Variants in AKAP13 observed in about 807,000 individuals in gnomAD.
The protein encoded by AKAP13 is A-kinase anchor protein 13.
Under a neutral mutation model 264.5 loss-of-function variants are expected in AKAP13, and 80 were observed. That is an observed-to-expected ratio of 0.30 (90% CI 0.25 to 0.36). The LOEUF (loss-of-function observed/expected upper bound fraction) is 0.36, where lower values mean the gene tolerates loss of function less well. Among genes scored for constraint, AKAP13 ranks in the 10% least tolerant of loss-of-function variants. The probability of loss-of-function intolerance (pLI) is 1.00; values close to 1 mark genes in which losing one functional copy is unlikely to be tolerated. For missense variants in AKAP13, 3,712 were observed against 3,435.2 expected (o/e 1.08, Z -2.01); for synonymous variants, 1,380 against 1,250.2 (o/e 1.10, Z -2.19).
chr15:85,448,677 G>C (rs2073981166), intron 1 of AKAP13, among the ~76,000 whole-genome samples: 1 of 152,076 alleles, frequency 6.6e-6, no homozygotes, highest in African/African-American at 2.4e-5. Context: ...GATGGTCGTA[G>C]ATGTGTGACC....
intron 9 of AKAP13, among the ~76,000 whole-genome samples, chr15:85,644,693 C>CA (rs1161365911): frequency 0.028 from 2,937 of 103,818 alleles, 75 homozygotes; most frequent in African/African-American, 0.079. Flanking sequence ...ACTAAAAATA[C>CA]AAAAAAAAAA....
At chr15:85,428,764 A>G (rs1360647801) in intron 1 of AKAP13, among the ~76,000 whole-genome samples, 3 of 152,250 alleles carry the variant, frequency 2.0e-5, no homozygotes, top group Admixed American at 6.5e-5. Context: ...GGTTGTCTAC[A>G]GGAAAAACAA....
At chr15:85,721,280 G>A (rs56241813) in intron 23 of AKAP13, among the ~76,000 whole-genome samples, 10,499 of 152,234 alleles carry the variant, frequency 0.069, 394 homozygotes, top group African/African-American at 0.11. Flanking sequence ...CCGTCCCTCT[G>A]TCTCAGCTCC....
chr15:85,538,915 C>G (rs1301018396), intron 4 of AKAP13, among the ~76,000 whole-genome samples: 1 of 151,212 alleles, frequency 6.6e-6, no homozygotes, highest in Non-Finnish European at 1.5e-5. Flanking sequence ...ACTGCAAGCT[C>G]TGCCTCCCAG....
chr15:85,443,681 G>A (rs946909832), intron 1 of AKAP13, among the ~76,000 whole-genome samples: 5 of 151,846 alleles, frequency 3.3e-5, no homozygotes, highest in Non-Finnish European at 5.9e-5. Flanking sequence ...TATGCGGTTC[G>A]TGGTTGACTG....
rs16977810 is a variant in AKAP13, at chr15:85,395,420, C to G, written c.-12+14622C>G. 2.8e-4 allele frequency among the ~76,000 whole-genome samples: 43 copies of G among 152,000 alleles called. No individual in the cohort carries two copies. The East Asian group carries it at 8.3e-3, about 29-fold the overall frequency. On this transcript the variant is annotated intron_variant, in intron 1 of 36. Transcript: ENST00000394518. Reference sequence around the variant, plus strand: ...AACCTCTTTGTAACATGAAATACACCCAGGTTTAAACTTATCTTTCTGTTC... The same window carrying G: ...AACCTCTTTGTAACATGAAATACACGCAGGTTTAAACTTATCTTTCTGTTC...
intron 8 of AKAP13, among the ~76,000 whole-genome samples, chr15:85,601,893 CA>C (rs974099312): frequency 4.0e-5 from 6 of 151,536 alleles, no homozygotes; most frequent in Admixed American, 2.6e-4. Flanking sequence ...ATTTTTTCTA[CA>C]AAAAATTACT....
intron 11 of AKAP13, among the ~76,000 whole-genome samples, chr15:85,656,451 CT>C (rs950140070): frequency 3.3e-5 from 5 of 149,450 alleles, no homozygotes; most frequent in Admixed American, 6.7e-5. Flanking sequence ...AATTTGACTT[CT>C]TTTTTTTTTC....
intron 11 of AKAP13, among the ~76,000 whole-genome samples, chr15:85,657,340 A>T (rs2151524207): frequency 6.6e-6 from 1 of 152,308 alleles, no homozygotes; most frequent in African/African-American, 2.4e-5. Context: ...AGATAGGTAA[A>T]CAAGACAAAG....
intron 1 of AKAP13, among the ~76,000 whole-genome samples, chr15:85,483,611 C>T (rs1398955148): frequency 3.9e-5 from 5 of 128,408 alleles, no homozygotes; most frequent in Non-Finnish European, 4.7e-5. Context: ...CCGGCCTGGG[C>T]GACAGAGCGA....
At chr15:85,454,431 G>A (rs953042358) in intron 1 of AKAP13, among the ~76,000 whole-genome samples, 5 of 152,202 alleles carry the variant, frequency 3.3e-5, no homozygotes, top group East Asian at 3.9e-4. Flanking sequence ...GGAACCCCTG[G>A]CTCCGTGTTG....
chr15:85,590,101 C>G (rs922955497), intron 8 of AKAP13, among the ~76,000 whole-genome samples: 2 of 152,074 alleles, frequency 1.3e-5, no homozygotes, highest in African/African-American at 4.8e-5. Context: ...TGCCACATAC[C>G]CCGTCTATGT....
At chr15:85,666,888 G>C (rs1011298126) in intron 13 of AKAP13, among the ~76,000 whole-genome samples, 1 of 152,168 alleles carries the variant, frequency 6.6e-6, no homozygotes, top group African/African-American at 2.4e-5. Context: ...ATCCCTTGGG[G>C]AGCTTTTGAG....
chr15:85,735,184 A>T (rs2088351095), intron 31 of AKAP13, 34 bp downstream of exon 31: 1 of 1,601,696 alleles, frequency 6.2e-7, no homozygotes, highest in East Asian at 2.2e-5. Context: ...TTTTATAGGC[A>T]ATCCTTGACT....
chr15:85,437,152 C>T (rs2073349957), intron 1 of AKAP13, among the ~76,000 whole-genome samples: 1 of 147,410 alleles, frequency 6.8e-6, no homozygotes, highest in African/African-American at 2.5e-5. Context: ...CCACCGATCC[C>T]ACAGAAATAC....
At position 85,727,571 on chromosome 15, in the gene AKAP13, C is replaced by G. The variant is rs1432298561; in HGVS notation, c.7087+108C>G. On this transcript the variant is annotated intron_variant, in intron 29 of 36. Coordinates refer to ENST00000394518, the MANE Select transcript of AKAP13 (RefSeq NM_007200.5). This position sits in a 1 kb window ranked among gnomAD's most constrained non-coding sequence, Gnocchi z 5.3. ...GTTTGCCCTCAGTTCTAAAGCTGCC[C>G]CAGCAGGCACTTGAAAGCAGCAAAA... is the stretch of plus-strand genomic sequence containing the variant. 8.2e-7 allele frequency: 1 copy of G among 1,215,528 alleles called. No individual in the cohort carries two copies. The highest frequency in any genetic ancestry group is 2.5e-5 in the East Asian group (1 of 39,852). 75.3% of individuals were successfully genotyped at this position (1,215,528 alleles called of 1,614,324 possible).
intron 8 of AKAP13, among the ~76,000 whole-genome samples, chr15:85,638,896 A>C (rs1440339920): frequency 1.3e-5 from 2 of 152,050 alleles, no homozygotes; most frequent in Non-Finnish European, 2.9e-5. Context: ...AGCTGGGATT[A>C]CAGGCGTGCA....
Position 85,746,708 on chromosome 15 carries a change from C to T in AKAP13, c.*2031C>T, listed in dbSNP as rs966093048. On this transcript the variant is annotated 3_prime_UTR_variant, in exon 37 of 37. Transcript: ENST00000394518. Reference sequence around the variant, plus strand: ...CTATTTGTACAACTCCAAGTTACAGCTGAATCTGTCGTGACTTTCCTGAGA... The same window carrying T: ...CTATTTGTACAACTCCAAGTTACAGTTGAATCTGTCGTGACTTTCCTGAGA... 3 of 151,324 alleles carry T rather than the reference C, an allele frequency of 2.0e-5. No individual in the cohort carries two copies. Among genetic ancestry groups the T allele is most frequent in the African/African-American group, 7.3e-5 (3 of 41,070 alleles). The allele number at this position is 151,324 out of a possible 1,614,324, so 9.4% of individuals were successfully genotyped here.
intron 1 of AKAP13, among the ~76,000 whole-genome samples, chr15:85,421,545 A>G (rs944343275): frequency 2.0e-5 from 3 of 152,286 alleles, no homozygotes; most frequent in African/African-American, 7.2e-5. Flanking sequence ...AGGTTGCAGG[A>G]CAGTAGCAAA....
Sources: allele counts gnomAD v4.1 joint callset (sites outside exome capture counted in the v4.1 genomes callset), GRCh38; gene constraint gnomAD v4.1.1; non-coding constraint Gnocchi (gnomAD v3.1); transcripts MANE v1.5; gene names NCBI Gene and HGNC (gene_info 2026-07-23, HGNC 2026-07-21).